Variants in PRMT2 observed in about 807,000 individuals in gnomAD.
PRMT2 encodes protein arginine methyltransferase 2, also known as protein arginine N-methyltransferase 2.
PRMT2 carries 26 observed loss-of-function variants against 57.6 expected under a neutral mutation model. The observed-to-expected ratio is 0.45, with a 90% CI of 0.33 to 0.63. PRMT2 has a LOEUF of 0.63. Ranked by LOEUF, PRMT2 falls within the 20% of genes least tolerant of loss-of-function variation. PRMT2 has a pLI of 0.02. For missense variants in PRMT2, 472 were observed against 564.4 expected (o/e 0.84, Z 1.66); for synonymous variants, 219 against 220.0 (o/e 1.00, Z 0.04).
rs577623548 is a variant in PRMT2 at position 46,643,358 on chromosome 21, A to C, written c.40-177A>C. ...ATTTTTTTTTTTAGAAAAGAAATGTAGAGTGAAGGTGACAGCCTTTGATTA... is the reference window on the plus strand; with the variant it reads ...ATTTTTTTTTTTAGAAAAGAAATGTCGAGTGAAGGTGACAGCCTTTGATTA... On this transcript the variant is annotated intron_variant, in intron 3 of 11. Transcript: ENST00000355680. 5.3e-4 allele frequency: 616 copies of C among 1,165,246 alleles called. 4 individuals carry two copies. The African/African-American group carries it at 9.2e-3, about 17-fold the overall frequency. The allele number at this position is 1,165,246 out of a possible 1,614,324, so 72.2% of individuals were successfully genotyped here.
In PRMT2 at chr21:46,658,758, TC is replaced by T; in HGVS notation, c.669del (p.Ile223MetfsTer12). On this transcript the variant is annotated frameshift_variant, in exon 8 of 12. Coordinates refer to ENST00000355680, the MANE Select transcript of PRMT2 (RefSeq NM_206962.4). LOFTEE classifies it high-confidence loss of function. ...MGTCLLFEFMIESILYARDAW... is the reference protein window; with the variant it reads ...MGTCLLFEFMXESILYARDAW... ...ACTCCTATGCAGTTTGAGTTCATGA[TC>T]GAGTCCATCCTGTATGCCCGGGATG... The T allele has an allele frequency of 6.2e-7, 1 of 1,614,158 alleles. No individual in the cohort carries two copies. Among genetic ancestry groups the T allele is most frequent in the Non-Finnish European group, 8.5e-7 (1 of 1,179,994 alleles).
rs942360076 is a variant in PRMT2, at chr21:46,637,421, C to T, written c.39+431C>T. Among the ~76,000 whole-genome samples the T allele has an allele frequency of 2.0e-5, 3 of 152,084 alleles. No individual in the cohort carries two copies. The East Asian group carries it at 5.8e-4, about 29-fold the overall frequency. ...TCGTTCAAGTTAGCAGTAAAAAATACCCCTCAAATTGTAAAGACTGTTGAT... is the reference window on the plus strand; with the variant it reads ...TCGTTCAAGTTAGCAGTAAAAAATATCCCTCAAATTGTAAAGACTGTTGAT... On this transcript the variant is annotated intron_variant, in intron 3 of 11. Transcript: ENST00000355680.
chr21:46,642,472 TAA>T (rs1487971932), intron 3 of PRMT2, among the ~76,000 whole-genome samples: 1 of 152,246 alleles, frequency 6.6e-6, no homozygotes, highest in East Asian at 1.9e-4. Flanking sequence ...TCCACTTTTT[TAA>T]AAGTCTGAAA....
At position 46,659,977 on chromosome 21, in the gene PRMT2, G is replaced by A. The variant is rs1007273357; in HGVS notation, c.831-856G>A. The A allele has an allele frequency of 2.1e-5, 21 of 983,372 alleles. No homozygotes were observed. In the South Asian group the frequency reaches 7.5e-4, roughly 35 times the overall value. The allele number at this position is 983,372 out of a possible 1,614,324, so 60.9% of individuals were successfully genotyped here. A position where few individuals can be genotyped will look rare whatever the true frequency, so the allele number is the denominator to read the frequency against. On this transcript the variant is annotated intron_variant, in intron 8 of 11. Coordinates refer to ENST00000355680, the MANE Select transcript of PRMT2 (RefSeq NM_206962.4). Reference sequence around the variant, plus strand: ...AAATAAATTTATATAAATATGTCTGGGGGATAAAAATAAGTATATCACAAT... The same window carrying A: ...AAATAAATTTATATAAATATGTCTGAGGGATAAAAATAAGTATATCACAAT...
intron 7 of PRMT2, chr21:46,656,722 C>T (rs1021023592): frequency 3.3e-5 from 5 of 152,032 alleles, no homozygotes; most frequent in African/African-American, 9.7e-5. Flanking sequence ...AAACTATAAA[C>T]CTCCTTGAAA....
At chr21:46,655,475 C>T (rs975150385) in intron 7 of PRMT2, among the ~76,000 whole-genome samples, 2 of 151,976 alleles carry the variant, frequency 1.3e-5, no homozygotes, top group African/African-American at 4.8e-5. Flanking sequence ...TATATCAATA[C>T]AGAAAAAAAT....
At chr21:46,636,074 GC>G (rs368003128) in intron 1 of PRMT2, 30 of 153,032 alleles carry the variant, frequency 2.0e-4, no homozygotes, top group Non-Finnish European at 3.5e-4. Flanking sequence ...CTGCCTGGCG[GC>G]CCCTGCCCCG....
Position 46,660,829 on chromosome 21 carries a change from C to T in PRMT2, c.831-4C>T. 2 of 1,613,360 alleles carry T rather than the reference C, an allele frequency of 1.2e-6. No homozygotes were observed. Among genetic ancestry groups the T allele is most frequent in the Non-Finnish European group, 1.7e-6 (2 of 1,179,798 alleles). ...TCAACAGTCGCTTTGACCTTTTCCC[C>T]TAGATCTTTAGCAGTTAAGGAGTTT... On this transcript the variant is annotated splice_polypyrimidine_tract_variant and splice_region_variant and intron_variant, in intron 8 of 11. Transcript: ENST00000355680.
chr21:46,657,465 A>C (rs977937497), intron 7 of PRMT2: 3 of 152,154 alleles, frequency 2.0e-5, no homozygotes, highest in African/African-American at 4.8e-5. Flanking sequence ...CACACAGTGG[A>C]ATACCACTGA....
At chr21:46,643,344 T>TTC in intron 3 of PRMT2, 191 bp from the exon 4 acceptor site, 2 of 1,111,888 alleles carry the variant, frequency 1.8e-6, no homozygotes, top group East Asian at 3.7e-5. Context: ...TTTTTTTTTT[T>TTC]AGAAAAGAAA....
chr21:46,659,744 G>A (rs578186038), intron 8 of PRMT2: 1 of 985,408 alleles, frequency 1.0e-6, no homozygotes, highest in Non-Finnish European at 1.2e-6. Context: ...CCTCCCACCT[G>A]AGTGTTCCTC....
chr21:46,644,258 A>G, intron 4 of PRMT2, 48 bp from the exon 5 acceptor site: 1 of 1,564,376 alleles, frequency 6.4e-7, no homozygotes, highest in Non-Finnish European at 8.7e-7. Context: ...CACATTTGAA[A>G]TACCAATGAC....
intron 8 of PRMT2, chr21:46,660,267 C>T (rs2061600206): frequency 3.2e-6 from 2 of 627,764 alleles, no homozygotes; most frequent in African/African-American, 2.0e-5. Flanking sequence ...GGCCATGCGG[C>T]GTCTAGTGTC....
At position 46,649,063 on chromosome 21, in the gene PRMT2, G is replaced by A. The variant is rs1388020600; in HGVS notation, c.489+444G>A. Among the ~76,000 whole-genome samples, 2 of 152,074 alleles carry A rather than the reference G, an allele frequency of 1.3e-5. No individual in the cohort carries two copies. Among genetic ancestry groups the A allele is most frequent in the Non-Finnish European group, 2.9e-5 (2 of 68,016 alleles). ...CGTCTATACTGTGCTGAGCTGAGCC[G>A]AGCTGCAGCCTTGGAGACTCCTTAC... On this transcript the variant is annotated intron_variant, in intron 6 of 11. Coordinates refer to ENST00000355680, the MANE Select transcript of PRMT2 (RefSeq NM_206962.4). This position sits in a 1 kb window ranked among gnomAD's most constrained non-coding sequence, Gnocchi z 4.8.
chr21:46,653,608 T>C, intron 7 of PRMT2: 3 of 1,158,076 alleles, frequency 2.6e-6, no homozygotes, highest in Non-Finnish European at 3.2e-6. Context: ...TCTGGCCCCT[T>C]TGCTTGATGT....
rs759527058 is a variant in PRMT2 at position 46,649,848 on chromosome 21, T to A, written c.654+109T>A. 73 of 1,526,690 alleles carry A rather than the reference T, an allele frequency of 4.8e-5. No homozygotes were observed. Among genetic ancestry groups the A allele is most frequent in the Middle Eastern group, 3.4e-4 (2 of 5,876 alleles). 94.6% of individuals were successfully genotyped at this position (1,526,690 alleles called of 1,614,324 possible). A position where few individuals can be genotyped will look rare whatever the true frequency, so the allele number is the denominator to read the frequency against. ...AAGGGTCGTGCGTGATTCATTTTGA[T>A]GTTTTCCCTAATGTGAGGTCTAATT... On this transcript the variant is annotated intron_variant, in intron 7 of 11. Coordinates refer to ENST00000355680, the MANE Select transcript of PRMT2 (RefSeq NM_206962.4). The surrounding 1 kb of genome is among the most constrained non-coding windows in gnomAD (Gnocchi z 4.8).
intron 3 of PRMT2, 57 bp from the exon 4 acceptor site, chr21:46,643,475 CAAA>C (rs34541039): frequency 1.6e-3 from 1,912 of 1,228,996 alleles, no homozygotes; most frequent in South Asian, 4.1e-3. Flanking sequence ...ATAATATAGC[CAAA>C]AAAAAAAAAA....
intron 3 of PRMT2, among the ~76,000 whole-genome samples, chr21:46,640,371 A>T (rs1174850773): frequency 6.6e-6 from 1 of 151,286 alleles, no homozygotes; most frequent in African/African-American, 2.4e-5. Flanking sequence ...CTTCAACCTG[A>T]CAACTTTATG....
chr21:46,646,167 G>A (rs1331377928), intron 5 of PRMT2, among the ~76,000 whole-genome samples: 1 of 152,128 alleles, frequency 6.6e-6, no homozygotes, highest in Non-Finnish European at 1.5e-5. Flanking sequence ...CAGTGTTCTG[G>A]GGTTGGATAT....
Sources: allele counts gnomAD v4.1 joint callset (sites outside exome capture counted in the v4.1 genomes callset), GRCh38; gene constraint gnomAD v4.1.1; non-coding constraint Gnocchi (gnomAD v3.1); transcripts MANE v1.5; gene names NCBI Gene and HGNC (gene_info 2026-07-23, HGNC 2026-07-21).